The following TLN2 variants were observed in gnomAD, a reference collection of about 807,000 sequenced individuals.
TLN2 encodes talin 2, also known as talin-2.
TLN2 carries 118 observed loss-of-function variants against 294.7 expected under a neutral mutation model. The ratio of observed to expected loss-of-function variants is 0.40; its 90% CI spans 0.34 to 0.47. The LOEUF (loss-of-function observed/expected upper bound fraction) is 0.47. TLN2 is among the 20% of genes least tolerant of loss of function. TLN2 has a pLI of 0.84. For missense variants in TLN2, 3,083 were observed against 3,282.2 expected, an observed-to-expected ratio of 0.94 and a Z score of 1.48; for synonymous variants, 1,431 against 1,304.5, an observed-to-expected ratio of 1.10 and a Z score of -2.09.
intron 1 of TLN2, among the ~76,000 whole-genome samples, chr15:62,448,508 C>G (rs1281014795): frequency 6.6e-6 from 1 of 152,130 alleles, no homozygotes; most frequent in Non-Finnish European, 1.5e-5. Flanking sequence ...TCATGTGCTG[C>G]TTTTCTAAAA....
intron 1 of TLN2, among the ~76,000 whole-genome samples, chr15:62,463,051 C>T (rs2036901760): frequency 6.6e-6 from 1 of 152,160 alleles, no homozygotes; most frequent in Non-Finnish European, 1.5e-5. Flanking sequence ...AGGGGTGCCT[C>T]TTGCCTTTCC....
chr15:62,777,246 T>C (rs2063779891), intron 43 of TLN2, among the ~76,000 whole-genome samples: 1 of 148,096 alleles, frequency 6.8e-6, no homozygotes, highest in Non-Finnish European at 1.5e-5. Context: ...ATAAAAGTGA[T>C]TCCCGCCCGG....
intron 9 of TLN2, among the ~76,000 whole-genome samples, chr15:62,665,252 G>T (rs1300545510): frequency 6.6e-6 from 1 of 151,994 alleles, no homozygotes; most frequent in Non-Finnish European, 1.5e-5. Flanking sequence ...GTCCTAGTTT[G>T]ATGCCCAAGC....
chr15:62,790,794 C>T (rs1466845178), intron 45 of TLN2, among the ~76,000 whole-genome samples: 1 of 152,238 alleles, frequency 6.6e-6, no homozygotes, highest in Non-Finnish European at 1.5e-5. Context: ...GTCCCGCAAA[C>T]ACATATATTT....
At position 62,405,503 on chromosome 15, in the gene TLN2, A is replaced by C. The variant is rs537810795; in HGVS notation, c.-238+14818A>C. ...CCCTGTAGGGCTCCATTTAAAATGC[A>C]TACAGAAAGGGCTTTTTATTTTCTT... On this transcript the variant is annotated intron_variant, in intron 1 of 58. Coordinates refer to ENST00000636159, the MANE Select transcript of TLN2 (RefSeq NM_015059.3). 6.6e-5 allele frequency among the ~76,000 whole-genome samples: 10 copies of C among 152,354 alleles called. No homozygotes were observed. In the East Asian group the frequency reaches 1.7e-3, roughly 26 times the overall value.
chr15:62,835,986 C>T lies in TLN2; in HGVS notation c.7287C>T (p.Ala2429=), dbSNP rs753204389. 1.9e-6 allele frequency: 3 copies of T among 1,613,890 alleles called. No individual in the cohort carries two copies. The highest frequency in any genetic ancestry group is 1.3e-5 in the African/African-American group (1 of 74,934). ...GCGAGGAGAAGCTCATCTCATCTGCCAAGCAGGTCGCCGCTTCCACGGCTC... is the reference window on the plus strand; with the variant it reads ...GCGAGGAGAAGCTCATCTCATCTGCTAAGCAGGTCGCCGCTTCCACGGCTC... The part of the protein sequence containing the change: ...HASEEKLISS[A]KQVAASTAQL... The change falls in exon 57 of 59, where the codon GCC becomes GCT. Residue 2429 remains alanine, a synonymous_variant. Transcript: ENST00000636159.
Position 62,511,855 on chromosome 15 carries a change from G to A in TLN2, c.-237-77832G>A, listed in dbSNP as rs1016001304. ...TTGCCTTTAGTTAAAACAAAAATCG[G>A]TGTTTAACTTGCCTTCAGATGATCT... On this transcript the variant is annotated intron_variant, in intron 1 of 58. Coordinates refer to ENST00000636159, the MANE Select transcript of TLN2 (RefSeq NM_015059.3). Among the ~76,000 whole-genome samples, 7 of 152,210 alleles carry A rather than the reference G, an allele frequency of 4.6e-5. No individual in the cohort carries two copies. In the East Asian group the frequency reaches 5.8e-4, roughly 13 times the overall value.
At chr15:62,559,804 G>A (rs2042814767) in intron 1 of TLN2, among the ~76,000 whole-genome samples, 1 of 152,186 alleles carries the variant, frequency 6.6e-6, no homozygotes, top group African/African-American at 2.4e-5. Context: ...CACGTACCTG[G>A]TCCCTCTTTT....
In TLN2 at chr15:62,756,108, A is replaced by C. The variant is rs150275974; in HGVS notation, c.4638+415A>C. 9.3e-3 allele frequency among the ~76,000 whole-genome samples: 1,409 copies of C among 152,302 alleles called. 21 individuals are homozygous for C. The highest frequency in any genetic ancestry group is 0.032 in the African/African-American group (1,325 of 41,552). On this transcript the variant is annotated intron_variant, in intron 37 of 58. Transcript: ENST00000636159. The stretch of plus-strand genomic sequence containing the variant: ...TCCCATCATTGCTGAATATATCTGG[A>C]CCAAGAGAGTAGGTGGAAGGAGAAG...
At chr15:62,760,195 A>C (rs80196124) in intron 37 of TLN2, among the ~76,000 whole-genome samples, 2,632 of 152,328 alleles carry the variant, frequency 0.017, 87 homozygotes, top group African/African-American at 0.058. Flanking sequence ...GCATGAGCCA[A>C]GGCAAGCCAG....
intron 52 of TLN2, among the ~76,000 whole-genome samples, chr15:62,816,611 C>T (rs1299689031): frequency 6.6e-6 from 1 of 152,218 alleles, no homozygotes; most frequent in Non-Finnish European, 1.5e-5. Flanking sequence ...CATCATTCCA[C>T]TCTGTGGGAA....
chr15:62,826,872 A>G (rs988647220), intron 54 of TLN2, among the ~76,000 whole-genome samples: 1 of 152,092 alleles, frequency 6.6e-6, no homozygotes. Flanking sequence ...TAAAAAATAT[A>G]TATCCAAGAG....
At chr15:62,574,423 A>G (rs2044200956) in intron 1 of TLN2, among the ~76,000 whole-genome samples, 1 of 151,556 alleles carries the variant, frequency 6.6e-6, no homozygotes, top group Admixed American at 6.6e-5. Flanking sequence ...AAAAATAAGG[A>G]TGAAAAATTT....
rs139854042 is a variant in TLN2, at chr15:62,839,327, T to C, written c.7500+346T>C. ...TAATAATGTGCCCAACCCAGCTGCA[T>C]GGGAGGCTGGACAATGTAGTATATA... is the stretch of plus-strand genomic sequence containing the variant. On this transcript the variant is annotated intron_variant, in intron 58 of 58. Transcript: ENST00000636159. Among the ~76,000 whole-genome samples, 492 of 152,318 alleles carry C rather than the reference T, an allele frequency of 3.2e-3. 17 individuals are homozygous for C. The highest frequency in any genetic ancestry group is 0.03 in the Admixed American group (464 of 15,300).
chr15:62,403,153 G>T (rs1192160313), intron 1 of TLN2, among the ~76,000 whole-genome samples: 1 of 151,704 alleles, frequency 6.6e-6, no homozygotes, highest in African/African-American at 2.4e-5. Context: ...CAGGAGAATT[G>T]CTTGAATCCA....
chr15:62,397,133 C>T (rs1019489601), intron 1 of TLN2, among the ~76,000 whole-genome samples: 2 of 152,192 alleles, frequency 1.3e-5, no homozygotes, highest in Non-Finnish European at 2.9e-5. Flanking sequence ...GCTGGCTGTT[C>T]CACCTCTACC....
chr15:62,502,049 C>T (rs1442617317), intron 1 of TLN2, among the ~76,000 whole-genome samples: 1 of 152,082 alleles, frequency 6.6e-6, no homozygotes. Context: ...CTATGATGGG[C>T]CTTATAGGAG....
At chr15:62,784,066 C>G in intron 45 of TLN2, 176 bp downstream of exon 45, 1 of 1,117,858 alleles carries the variant, frequency 8.9e-7, no homozygotes, top group Non-Finnish European at 1.2e-6. Context: ...AGGCTGTACT[C>G]AAGTCTCACT....
At chr15:62,456,066 A>T (rs1350355055) in intron 1 of TLN2, among the ~76,000 whole-genome samples, 5 of 131,158 alleles carry the variant, frequency 3.8e-5, no homozygotes, top group East Asian at 4.3e-4. Flanking sequence ...TAAGACTCTT[A>T]AAAAAAAAAA....
Sources: allele counts gnomAD v4.1 joint callset (sites outside exome capture counted in the v4.1 genomes callset), GRCh38; gene constraint gnomAD v4.1.1; transcripts MANE v1.5; gene names NCBI Gene and HGNC (gene_info 2026-07-23, HGNC 2026-07-21).